THEMIS: variants seen among roughly 807,000 people sequenced by gnomAD.
THEMIS encodes protein THEMIS.
THEMIS carries 37 observed loss-of-function variants against 52.6 expected under a neutral mutation model. That is an observed-to-expected ratio of 0.70 (90% confidence interval 0.54 to 0.93). The LOEUF is 0.93. Among genes scored for constraint, THEMIS ranks in the 40% least tolerant of loss-of-function variants. The probability of loss-of-function intolerance (pLI) is 0.00; values close to 1 mark genes in which losing one functional copy is unlikely to be tolerated. For synonymous variants in THEMIS, 292 were observed against 272.7 expected (o/e 1.07, Z -0.70); for missense variants, 808 against 763.1 (o/e 1.06, Z -0.69).
chr6:127,826,977 A>G (rs1422645640), intron 3 of THEMIS, among the ~76,000 whole-genome samples: 1 of 152,106 alleles, frequency 6.6e-6, no homozygotes, highest in Non-Finnish European at 1.5e-5. Context: ...ATTAATAATT[A>G]AAAACTAGTA....
rs367574188 is a variant in THEMIS, at chr6:127,867,327, A to G, written c.92-12139T>C. On this transcript the variant is annotated intron_variant, in intron 1 of 5. Transcript: ENST00000368248. ...AAATCCCCAAACAGTTGCTTAAACA[A>G]CAAAAGAAAATGCTTATTTCTCTCT... 2.6e-5 allele frequency among the ~76,000 whole-genome samples: 4 copies of G among 152,266 alleles called. No individual in the cohort carries two copies. The South Asian group carries it at 8.3e-4, about 32-fold the overall frequency.
At chr6:127,857,599 A>G (rs912052976) in intron 1 of THEMIS, among the ~76,000 whole-genome samples, 6 of 152,044 alleles carry the variant, frequency 3.9e-5, no homozygotes, top group Non-Finnish European at 8.8e-5. Flanking sequence ...ATTTCCAGTT[A>G]TCATGGTCCA....
chr6:127,911,966 C>T (rs940918842), intron 1 of THEMIS, among the ~76,000 whole-genome samples: 1 of 151,990 alleles, frequency 6.6e-6, no homozygotes, highest in Non-Finnish European at 1.5e-5. Flanking sequence ...TAGAATGTGC[C>T]TCAATTTCAG....
At chr6:127,833,022 G>A (rs896134157) in intron 2 of THEMIS, among the ~76,000 whole-genome samples, 11 of 151,886 alleles carry the variant, frequency 7.2e-5, no homozygotes, top group Admixed American at 7.2e-4. Context: ...GACCTCAGGT[G>A]ATCTGCCCGC....
chr6:127,788,049 G>C (rs1217715674), intron 4 of THEMIS, among the ~76,000 whole-genome samples: 1 of 152,290 alleles, frequency 6.6e-6, no homozygotes, highest in South Asian at 2.1e-4. Context: ...CAAGAGTTGA[G>C]TATACCACCA....
At chr6:127,865,670 G>C (rs920552171) in intron 1 of THEMIS, among the ~76,000 whole-genome samples, 1 of 152,044 alleles carries the variant, frequency 6.6e-6, no homozygotes, top group Non-Finnish European at 1.5e-5. Context: ...GCAATAAAAT[G>C]ATTTTTTCCA....
downstream of THEMIS, among the ~76,000 whole-genome samples, chr6:127,704,693 G>A (rs1206798161): frequency 6.6e-6 from 1 of 152,196 alleles, no homozygotes; most frequent in Non-Finnish European, 1.5e-5. Flanking sequence ...CACTTTGCAA[G>A]ATAGAAGCAG....
upstream of THEMIS, among the ~76,000 whole-genome samples, chr6:127,902,716 C>T (rs1781174540): frequency 6.6e-6 from 1 of 151,940 alleles, no homozygotes; most frequent in South Asian, 2.1e-4. Context: ...ACTTTTTTGT[C>T]CAAAAATGTC....
chr6:127,760,513 T>C (rs1775985616), intron 4 of THEMIS, among the ~76,000 whole-genome samples: 2 of 152,130 alleles, frequency 1.3e-5, no homozygotes, highest in African/African-American at 4.8e-5. Flanking sequence ...AAGCTCAGCA[T>C]AGTGGCTCCA....
chr6:127,771,928 A>C (rs2114441587), intron 4 of THEMIS, among the ~76,000 whole-genome samples: 1 of 152,296 alleles, frequency 6.6e-6, no homozygotes, highest in East Asian at 1.9e-4. Context: ...ATATATGATC[A>C]TATGGAAATG....
intron 4 of THEMIS, among the ~76,000 whole-genome samples, chr6:127,733,484 C>T (rs979534617): frequency 9.9e-5 from 15 of 152,166 alleles, no homozygotes; most frequent in African/African-American, 2.7e-4. Context: ...TCAAGGGTGC[C>T]ACTGTGCACC....
rs1283424866 is a variant in THEMIS, at chr6:127,852,009, G to A, written c.250+3021C>T. ...AAAAATTATAATCATGTCATCATAC[G>A]TCGGGGACTGTCTGTAGTTTGAAAG... On this transcript the variant is annotated intron_variant, in intron 2 of 5. Coordinates refer to ENST00000368248, the MANE Select transcript of THEMIS (RefSeq NM_001010923.3). 4.0e-5 allele frequency among the ~76,000 whole-genome samples: 6 copies of A among 151,624 alleles called. No individual in the cohort carries two copies. In the East Asian group the frequency reaches 7.8e-4, roughly 20 times the overall value.
intron 5 of THEMIS, among the ~76,000 whole-genome samples, chr6:127,716,642 C>T (rs1774172792): frequency 1.3e-5 from 2 of 151,958 alleles, no homozygotes. Context: ...GCCTCAAGCG[C>T]TGTTCCTGGG....
chr6:127,900,017 C>T (rs1271408511), intron 1 of THEMIS, among the ~76,000 whole-genome samples: 3 of 150,964 alleles, frequency 2.0e-5, no homozygotes, highest in Non-Finnish European at 4.4e-5. Context: ...ACAAGAAAGA[C>T]CTGCCTACCA....
At chr6:127,764,725 A>G (rs561900698) in intron 4 of THEMIS, among the ~76,000 whole-genome samples, 3 of 152,146 alleles carry the variant, frequency 2.0e-5, no homozygotes, top group Admixed American at 6.5e-5. Context: ...CCTATCTATC[A>G]TTAGATTTTT....
chr6:127,710,166 G>T, intron 5 of THEMIS, 150 bp from the exon 6 acceptor site: 4 of 353,306 alleles, frequency 1.1e-5, no homozygotes, highest in Non-Finnish European at 1.5e-5. Flanking sequence ...GCAAAATAAA[G>T]AAAAAAAAAA....
intron 3 of THEMIS, 80 bp downstream of exon 3, chr6:127,829,396 T>A: frequency 8.5e-7 from 1 of 1,169,666 alleles, no homozygotes; most frequent in Non-Finnish European, 1.2e-6. Flanking sequence ...CAGACTCCCA[T>A]TCTTCAGGCT....
At chr6:127,722,766 G>A (rs148596107) in intron 4 of THEMIS, among the ~76,000 whole-genome samples, 25 of 151,984 alleles carry the variant, frequency 1.6e-4, no homozygotes, top group East Asian at 9.7e-4. Flanking sequence ...ACTGTGTGCC[G>A]TCTCCCTTCT....
At chr6:127,894,730 G>C (rs1050194500) in intron 1 of THEMIS, among the ~76,000 whole-genome samples, 3 of 151,306 alleles carry the variant, frequency 2.0e-5, no homozygotes, top group Non-Finnish European at 4.4e-5. Context: ...ATGTTTAGTA[G>C]GTCATCCAGG....
Sources: allele counts gnomAD v4.1 joint callset (sites outside exome capture counted in the v4.1 genomes callset), GRCh38; gene constraint gnomAD v4.1.1; transcripts MANE v1.5; gene names NCBI Gene and HGNC (gene_info 2026-07-23, HGNC 2026-07-21).